The following MANBA variants were observed in gnomAD, a reference collection of about 807,000 sequenced individuals.
The protein encoded by MANBA is beta-mannosidase.
In MANBA, 83 loss-of-function variants were observed where a neutral mutation model predicts 111.1. That is an observed-to-expected ratio of 0.75 (90% confidence interval 0.63 to 0.90). The LOEUF is 0.90. MANBA is among the 40% of genes least tolerant of loss of function. The pLI is 0.00. For missense variants in MANBA, 1,036 were observed against 1,069.0 expected, an observed-to-expected ratio of 0.97 and a Z score of 0.43; for synonymous variants, 370 against 378.7, an observed-to-expected ratio of 0.98 and a Z score of 0.27.
chr4:102,704,402 C>A (rs1243778122), intron 5 of MANBA, among the ~76,000 whole-genome samples: 1 of 152,106 alleles, frequency 6.6e-6, no homozygotes, highest in African/African-American at 2.4e-5. Context: ...CTTCTGGCCT[C>A]AAGTGATCCT....
At chr4:102,659,158 T>G (rs1730802497) in intron 11 of MANBA, 1 of 152,234 alleles carries the variant, frequency 6.6e-6, no homozygotes, top group African/African-American at 2.4e-5. Flanking sequence ...CAGTTCTTTC[T>G]ATGTGCTGGA....
intron 5 of MANBA, among the ~76,000 whole-genome samples, chr4:102,700,582 A>G (rs1300877254): frequency 4.6e-5 from 7 of 151,858 alleles, no homozygotes; most frequent in East Asian, 1.9e-4. Flanking sequence ...TGGTTTCAAA[A>G]AACATCTTTA....
chr4:102,704,579 TA>T (rs1427964282), intron 5 of MANBA, among the ~76,000 whole-genome samples: 1 of 152,086 alleles, frequency 6.6e-6, no homozygotes, highest in Non-Finnish European at 1.5e-5. Context: ...TAAGCTTTTT[TA>T]AAAATTTTCA....
intron 5 of MANBA, among the ~76,000 whole-genome samples, chr4:102,712,668 G>A (rs1252564777): frequency 1.3e-5 from 2 of 151,904 alleles, no homozygotes; most frequent in Non-Finnish European, 2.9e-5. Context: ...GCAGGTGAAC[G>A]CCACCAGGCC....
At chr4:102,669,203 T>C (rs1731376045) in intron 9 of MANBA, among the ~76,000 whole-genome samples, 154 bp from the exon 10 acceptor site, 2 of 152,214 alleles carry the variant, frequency 1.3e-5, no homozygotes, top group South Asian at 4.1e-4. Flanking sequence ...TATGCATAAT[T>C]TGATACCAAG....
chr4:102,727,904 G>T (rs1036849946), intron 1 of MANBA: 45 of 510,210 alleles, frequency 8.8e-5, no homozygotes, highest in Non-Finnish European at 1.5e-4. Flanking sequence ...GCTTTTCACT[G>T]CAGAGAATGG....
rs140871512 is a variant in MANBA at position 102,738,158 on chromosome 4, G to A, written c.178-11475C>T. On this transcript the variant is annotated intron_variant, in intron 1 of 16. Coordinates refer to ENST00000647097, the MANE Select transcript of MANBA (RefSeq NM_005908.4). Reference sequence around the variant, plus strand: ...GACCAATCAACTCAAACTGATAAAAGAACAACCCTGCTCTAAAGAAGAAAA... The same window carrying A: ...GACCAATCAACTCAAACTGATAAAAAAACAACCCTGCTCTAAAGAAGAAAA... Among the ~76,000 whole-genome samples the A allele has an allele frequency of 7.6e-4, 116 of 152,282 alleles. 2 individuals carry two copies. The East Asian group carries it at 0.022, about 29-fold the overall frequency.
At chr4:102,645,143 T>A (rs1013214944) in intron 13 of MANBA, among the ~76,000 whole-genome samples, 3 of 152,096 alleles carry the variant, frequency 2.0e-5, no homozygotes, top group Non-Finnish European at 4.4e-5. Flanking sequence ...CTTTCTTTAC[T>A]AATATGGTTT....
At chr4:102,646,587 T>C (rs565910131) in intron 13 of MANBA, among the ~76,000 whole-genome samples, 3 of 152,264 alleles carry the variant, frequency 2.0e-5, no homozygotes, top group Non-Finnish European at 4.4e-5. Context: ...GTAATTAATG[T>C]CCTTGGCCTG....
At chr4:102,736,846 T>G (rs927958037) in intron 1 of MANBA, among the ~76,000 whole-genome samples, 1 of 152,072 alleles carries the variant, frequency 6.6e-6, no homozygotes, top group Non-Finnish European at 1.5e-5. Flanking sequence ...TTGAAACAAG[T>G]GGTTTGCCAC....
Position 102,715,020 on chromosome 4 carries a change from T to A in MANBA, c.550-459A>T, listed in dbSNP as rs565122800. ...CATATGAATTTGGGGGGACCACAAG[T>A]TAGTGCAAAACTGTGTGTGCCCCCC... is the stretch of plus-strand genomic sequence containing the variant. On this transcript the variant is annotated intron_variant, in intron 4 of 16. Coordinates refer to ENST00000647097, the MANE Select transcript of MANBA (RefSeq NM_005908.4). 1.2e-3 allele frequency among the ~76,000 whole-genome samples: 190 copies of A among 152,258 alleles called. 1 individual carries two copies. The highest frequency in any genetic ancestry group is 4.5e-3 in the African/African-American group (185 of 41,552).
intron 1 of MANBA, among the ~76,000 whole-genome samples, chr4:102,746,971 C>CA (rs575851183): frequency 0.017 from 1,572 of 91,718 alleles, 34 homozygotes; most frequent in African/African-American, 0.05. Flanking sequence ...GACTCCATCT[C>CA]AAAAAAAAAA....
In MANBA at chr4:102,697,160, TA is replaced by T. The variant is rs541423465; in HGVS notation, c.674-6390del. Among the ~76,000 whole-genome samples, 4 of 152,242 alleles carry T rather than the reference TA, an allele frequency of 2.6e-5. No homozygotes were observed. In the South Asian group the frequency reaches 8.3e-4, roughly 32 times the overall value. ...AAATTTACTCAAGCAATGAGGAGAC[TA>T]ATCACAGGAAAAATTATTCAAGCAA... On this transcript the variant is annotated intron_variant, in intron 5 of 16. Transcript: ENST00000647097.
chr4:102,643,233 C>T (rs1729958652), intron 13 of MANBA, among the ~76,000 whole-genome samples: 1 of 152,106 alleles, frequency 6.6e-6, no homozygotes, highest in South Asian at 2.1e-4. Context: ...CTGTGACTGG[C>T]TTCCTTTTTA....
At chr4:102,717,008 T>G (rs1257833901) in intron 4 of MANBA, among the ~76,000 whole-genome samples, 1 of 152,230 alleles carries the variant, frequency 6.6e-6, no homozygotes, top group Non-Finnish European at 1.5e-5. Flanking sequence ...AAAACCATCT[T>G]GGGGACATTT....
intron 13 of MANBA, among the ~76,000 whole-genome samples, chr4:102,646,113 A>G (rs1730090181): frequency 6.6e-6 from 1 of 152,076 alleles, no homozygotes; most frequent in Non-Finnish European, 1.5e-5. Context: ...GTGAGAATTA[A>G]ATGATAAGAT....
chr4:102,665,342 C>G (rs1238531643), intron 10 of MANBA: 1 of 163,038 alleles, frequency 6.1e-6, no homozygotes, highest in African/African-American at 2.4e-5. Flanking sequence ...TCACTGAGAT[C>G]AGAAAACCAG....
chr4:102,652,121 C>T (rs1157852064), intron 12 of MANBA, among the ~76,000 whole-genome samples: 2 of 152,158 alleles, frequency 1.3e-5, no homozygotes, highest in African/African-American at 4.8e-5. Flanking sequence ...ATTATCTCTT[C>T]TAGCTATTTG....
intron 1 of MANBA, among the ~76,000 whole-genome samples, chr4:102,735,984 C>T (rs1560806266): frequency 6.6e-6 from 1 of 152,140 alleles, no homozygotes. Flanking sequence ...TACTACAATG[C>T]CTCATGCTAC....
Sources: gnomAD v4.1 joint callset for allele counts (sites outside exome capture counted in the v4.1 genomes callset) on GRCh38, gnomAD v4.1.1 for gene constraint, MANE v1.5 for transcripts, NCBI Gene and HGNC (gene_info 2026-07-23, HGNC 2026-07-21) for gene names.